The following EYS variants were observed in gnomAD, a reference collection of about 807,000 sequenced individuals.
EYS encodes the protein protein eyes shut homolog.
Under a neutral mutation model 282.1 loss-of-function variants are expected in EYS, and 250 were observed. That is an observed-to-expected ratio of 0.89 (90% CI 0.80 to 0.98). The LOEUF (loss-of-function observed/expected upper bound fraction) is 0.98. EYS is among the 50% of genes least tolerant of loss of function. EYS has a pLI of 0.00. For missense variants in EYS, 4,016 were observed against 3,709.0 expected (o/e 1.08, Z -2.15); for synonymous variants, 1,355 against 1,282.9 (o/e 1.06, Z -1.20).
At chr6:64,071,114 G>A (rs1771558364) in intron 32 of EYS, among the ~76,000 whole-genome samples, 1 of 151,988 alleles carries the variant, frequency 6.6e-6, no homozygotes, top group Admixed American at 6.6e-5. Context: ...TAGAAACCTG[G>A]GTTATCTGTT....
intron 1 of EYS, among the ~76,000 whole-genome samples, chr6:65,690,961 T>C (rs567637969): frequency 6.6e-6 from 1 of 150,638 alleles, no homozygotes; most frequent in East Asian, 2.3e-4. Context: ...ATGTGCCACA[T>C]TTTTTAAATC....
chr6:63,948,797 C>A (rs910698043), intron 35 of EYS, among the ~76,000 whole-genome samples: 1 of 152,090 alleles, frequency 6.6e-6, no homozygotes, highest in Non-Finnish European at 1.5e-5. Flanking sequence ...AGGCAATGGG[C>A]ATTCTGTATC....
At chr6:64,833,047 G>A (rs1193708845) in intron 19 of EYS, among the ~76,000 whole-genome samples, 2 of 151,872 alleles carry the variant, frequency 1.3e-5, no homozygotes, top group Non-Finnish European at 2.9e-5. Flanking sequence ...AATGAGAATT[G>A]AGATCATTAG....
chr6:65,216,057 T>C (rs987500084), intron 12 of EYS, among the ~76,000 whole-genome samples: 3 of 152,098 alleles, frequency 2.0e-5, no homozygotes, highest in South Asian at 2.1e-4. Context: ...AGTGTTCTTT[T>C]GTCAGCATGG....
At chr6:64,695,066 G>T (rs1036725790) in intron 22 of EYS, among the ~76,000 whole-genome samples, 1 of 151,882 alleles carries the variant, frequency 6.6e-6, no homozygotes, top group Admixed American at 6.6e-5. Context: ...TATTCTAGGG[G>T]CCTGAGAACT....
chr6:65,287,453 T>C (rs1301810697), intron 12 of EYS, among the ~76,000 whole-genome samples: 2 of 151,520 alleles, frequency 1.3e-5, no homozygotes, highest in South Asian at 2.1e-4. Context: ...GTGCATACAA[T>C]TAGAACCAAC....
chr6:65,368,052 A>C (rs1298535282), intron 8 of EYS, among the ~76,000 whole-genome samples: 1 of 151,568 alleles, frequency 6.6e-6, no homozygotes, highest in East Asian at 1.9e-4. Context: ...AGGGGAAGCA[A>C]ATATGTCCTT....
In EYS at chr6:63,741,993, G is replaced by A. The variant is rs1454192828; in HGVS notation, c.8072-15313C>T. The A allele has an allele frequency of 4.3e-6, 3 of 702,134 alleles. No homozygotes were observed. In the South Asian group the frequency reaches 4.4e-5, roughly 10 times the overall value. The allele number at this position is 702,134 out of a possible 1,614,324, so 43.5% of individuals were successfully genotyped here. ...GATAAGTGCTAAGAAGACAAGAGAA[G>A]GGTCTTTTTTGTCTGCTGCTATTTG... On this transcript the variant is annotated intron_variant, in intron 41 of 42. Transcript: ENST00000503581.
intron 29 of EYS, among the ~76,000 whole-genome samples, chr6:64,315,836 G>GAATCCA (rs1769936045): frequency 6.6e-6 from 1 of 151,362 alleles, no homozygotes; most frequent in Non-Finnish European, 1.5e-5. Context: ...CTGGCAAACT[G>GAATCCA]AATCCAGCCA....
chr6:64,046,099 T>A (rs962636463), intron 33 of EYS, among the ~76,000 whole-genome samples: 3 of 148,282 alleles, frequency 2.0e-5, no homozygotes, highest in Non-Finnish European at 4.5e-5. Flanking sequence ...TATATTTACA[T>A]ATAATTACAT....
chr6:64,754,671 T>C (rs1399116732), intron 22 of EYS, among the ~76,000 whole-genome samples: 1 of 152,160 alleles, frequency 6.6e-6, no homozygotes, highest in East Asian at 1.9e-4. Context: ...TACAGAAAGA[T>C]GGTTCAACGT....
intron 26 of EYS, among the ~76,000 whole-genome samples, chr6:64,509,213 T>G (rs983165835): frequency 1.3e-5 from 2 of 152,190 alleles, no homozygotes; most frequent in Non-Finnish European, 2.9e-5. Flanking sequence ...TCTTTAAATT[T>G]TATATTTAAA....
At chr6:65,515,215 G>T (rs1156848558) in intron 2 of EYS, among the ~76,000 whole-genome samples, 1 of 151,444 alleles carries the variant, frequency 6.6e-6, no homozygotes, top group Non-Finnish European at 1.5e-5. Context: ...GGCCATCAGA[G>T]AAATGCAAAT....
chr6:64,360,165 T>C (rs1229825320), intron 29 of EYS, among the ~76,000 whole-genome samples: 1 of 151,784 alleles, frequency 6.6e-6, no homozygotes, highest in East Asian at 1.9e-4. Flanking sequence ...CTCATTATTC[T>C]AATTCTAATG....
At chr6:64,866,827 A>G (rs886274991) in intron 19 of EYS, among the ~76,000 whole-genome samples, 1 of 151,810 alleles carries the variant, frequency 6.6e-6, no homozygotes, top group African/African-American at 2.4e-5. Context: ...AATTTCAATA[A>G]AAAGAGCAGA....
chr6:65,665,529 T>C (rs184639462), intron 1 of EYS, among the ~76,000 whole-genome samples: 101 of 152,282 alleles, frequency 6.6e-4, no homozygotes, highest in Non-Finnish European at 1.3e-3. Context: ...CTTAGCATCA[T>C]GCATGGCATG....
At chr6:64,890,372 T>A (rs1418822429) in intron 18 of EYS, among the ~76,000 whole-genome samples, 1 of 152,124 alleles carries the variant, frequency 6.6e-6, no homozygotes, top group East Asian at 1.9e-4. Flanking sequence ...CCTTTGAAAA[T>A]CCCTAATAAA....
chr6:65,425,638 G>T (rs1747074562), intron 5 of EYS, among the ~76,000 whole-genome samples: 1 of 152,082 alleles, frequency 6.6e-6, no homozygotes, highest in Non-Finnish European at 1.5e-5. Flanking sequence ...TTCTTATGAG[G>T]TTATCCTTCC....
intron 37 of EYS, among the ~76,000 whole-genome samples, chr6:63,804,024 T>G (rs1188902661): frequency 1.3e-5 from 2 of 152,160 alleles, no homozygotes; most frequent in Non-Finnish European, 2.9e-5. Context: ...TTTTTCTTTT[T>G]CTTTTTCTTG....
Sources: gnomAD v4.1 joint callset for allele counts (sites outside exome capture counted in the v4.1 genomes callset) on GRCh38, gnomAD v4.1.1 for gene constraint, MANE v1.5 for transcripts, NCBI Gene and HGNC (gene_info 2026-07-23, HGNC 2026-07-21) for gene names.